Variants in AZIN2 observed in about 807,000 individuals in gnomAD.
AZIN2 encodes antizyme inhibitor 2.
A neutral mutation model predicts 47.8 loss-of-function variants in AZIN2; 28 were observed. The ratio of observed to expected loss-of-function variants is 0.59; its 90% CI spans 0.43 to 0.80. The LOEUF (loss-of-function observed/expected upper bound fraction) is 0.80. Ranked by LOEUF, AZIN2 falls within the 30% of genes least tolerant of loss-of-function variation. The probability of loss-of-function intolerance (pLI) is 0.00; values close to 1 mark genes in which losing one functional copy is unlikely to be tolerated. For synonymous variants in AZIN2, 221 were observed against 239.4 expected, an observed-to-expected ratio of 0.92 and a Z score of 0.71; for missense variants, 535 against 582.5, an observed-to-expected ratio of 0.92 and a Z score of 0.84.
At chr1:33,083,880 G>A (rs1247471949) in intron 4 of AZIN2, 74 bp from the exon 5 acceptor site, 6 of 1,574,676 alleles carry the variant, frequency 3.8e-6, no homozygotes, top group Non-Finnish European at 4.3e-6. Context: ...TCAGGTACTT[G>A]GAAGGATCAC....
chr1:33,092,244 G>T, intron 6 of AZIN2, 22 bp downstream of exon 6: 2 of 1,609,076 alleles, frequency 1.2e-6, no homozygotes, highest in Non-Finnish European at 1.7e-6. Flanking sequence ...ACCACTCATG[G>T]GGAGGCTGGG....
At position 33,110,326 on chromosome 1, in the gene AZIN2, A is replaced by G. The variant is rs148053537; in HGVS notation, c.1030-7576A>G. ...CTTCAGTTTAGGCTTCTCACTGATA[A>G]GGTTTCAAAGTACATGAGCTCACAG... is the stretch of plus-strand genomic sequence containing the variant. On this transcript the variant is annotated intron_variant, in intron 10 of 11. Transcript: ENST00000294517. Among the ~76,000 whole-genome samples, 277 of 152,342 alleles carry G rather than the reference A, an allele frequency of 1.8e-3. 1 individual carries two copies. Among genetic ancestry groups the G allele is most frequent in the African/African-American group, 6.4e-3 (268 of 41,584 alleles).
chr1:33,129,340 C>T, the AZIN2 span, among the ~76,000 whole-genome samples: 2 of 152,132 alleles, frequency 1.3e-5, no homozygotes, highest in Non-Finnish European at 2.9e-5. This position sits in a 1 kb window ranked among gnomAD's most constrained non-coding sequence, Gnocchi z 4.1. Flanking sequence ...GACAGAGGAC[C>T]GGCCTTACAA....
At chr1:33,103,408 G>A (rs750961185) in intron 10 of AZIN2, among the ~76,000 whole-genome samples, 34 of 151,794 alleles carry the variant, frequency 2.2e-4, no homozygotes, top group Non-Finnish European at 2.9e-4. Context: ...CTTTGCATTC[G>A]CTCGCCCAGA....
intron 10 of AZIN2, among the ~76,000 whole-genome samples, chr1:33,102,751 A>C (rs559928907): frequency 1.3e-5 from 2 of 151,890 alleles, no homozygotes; most frequent in East Asian, 1.9e-4. Context: ...CCAAATTTCT[A>C]TCTCTATCCT....
chr1:33,098,296 C>T, intron 10 of AZIN2, 117 bp downstream of exon 10: 2 of 729,940 alleles, frequency 2.7e-6, no homozygotes, highest in Non-Finnish European at 4.4e-6. Context: ...TAATAGACAA[C>T]AAGGATGACG....
chr1:33,094,447 C>A, intron 7 of AZIN2, 101 bp from the exon 8 acceptor site: 1 of 1,255,726 alleles, frequency 8.0e-7, no homozygotes, highest in Non-Finnish European at 1.1e-6. Context: ...GTAAAATGGG[C>A]ACAGTGTCTC....
the AZIN2 span, among the ~76,000 whole-genome samples, chr1:33,139,909 C>T: frequency 9.9e-5 from 15 of 152,282 alleles, no homozygotes; most frequent in East Asian, 2.5e-3. Context: ...TGCTGCTTGT[C>T]AGGGTTTCTA....
chr1:33,092,068 C>T lies in AZIN2; in HGVS notation c.298C>T (p.Gln100Ter). The T allele has an allele frequency of 3.7e-6, 6 of 1,614,010 alleles. No homozygotes were observed. Among genetic ancestry groups the T allele is most frequent in the Non-Finnish European group, 5.1e-6 (6 of 1,179,928 alleles). Reference protein sequence around the residue: ...CANKAEMELVQHIGIPASKII... With the variant: ...CANKAEMELV ...CCCATAGGCAGAGATGGAGTTGGTC[C>T]AGCATATTGGAATCCCTGCCAGTAA... The change falls in exon 6 of 12, where the codon CAG (glutamine) becomes TAG (stop). Residue 100 changes from glutamine to a stop codon, truncating the protein, a stop_gained. Coordinates refer to ENST00000294517, the MANE Select transcript of AZIN2 (RefSeq NM_052998.4). LOFTEE classifies it high-confidence loss of function.
intron 5 of AZIN2, among the ~76,000 whole-genome samples, chr1:33,088,353 C>T (rs1304720120): frequency 6.6e-6 from 1 of 152,190 alleles, no homozygotes; most frequent in East Asian, 1.9e-4. Flanking sequence ...CCAGTCCCAC[C>T]TCCAGAACAC....
intron 10 of AZIN2, among the ~76,000 whole-genome samples, chr1:33,106,001 T>C (rs1386949496): frequency 2.6e-5 from 4 of 152,190 alleles, no homozygotes; most frequent in Admixed American, 1.3e-4. Flanking sequence ...TGGAATGTAT[T>C]GCAATAGCAC....
chr1:33,092,223 G>A lies in AZIN2; in HGVS notation c.452+1G>A, dbSNP rs1228673901. 1 of 1,613,448 alleles carries A rather than the reference G, an allele frequency of 6.2e-7. No individual in the cohort carries two copies. Among genetic ancestry groups the A allele is most frequent in the Non-Finnish European group, 8.5e-7 (1 of 1,179,680 alleles). ...TGGTAAAGAGCCACCCCAGTGCCAA[G>A]TAAGCTGAGAACCACTCATGGGGAG... On this transcript the variant is annotated splice_donor_variant, in intron 6 of 11. Transcript: ENST00000294517. LOFTEE classifies it high-confidence loss of function.
At position 33,120,138 on chromosome 1, in the gene AZIN2, A is replaced by C; in HGVS notation, c.1339A>C (p.Thr447Pro). The C allele has an allele frequency of 6.2e-7, 1 of 1,613,730 alleles. No homozygotes were observed. Among genetic ancestry groups the C allele is most frequent in the Non-Finnish European group, 8.5e-7 (1 of 1,179,734 alleles). ...PLSCGWEITD[T>P]LCVGPVFTPA... ...GTCCTGCGGCTGGGAGATCACAGAC[A>C]CCCTGTGCGTGGGCCCTGTCTTCAC... Residue 447 changes from threonine to proline, a missense_variant, in exon 12 of 12, where the codon ACC becomes CCC. Around this residue, in one of 3 missense-constraint regions of AZIN2, gnomAD observed 122 missense variants for 135.8 expected, o/e 0.90. Transcript: ENST00000294517.
At chr1:33,137,200 T>A in the AZIN2 span, among the ~76,000 whole-genome samples, 1 of 152,158 alleles carries the variant, frequency 6.6e-6, no homozygotes, top group East Asian at 1.9e-4. Flanking sequence ...CACAGGGTAG[T>A]ATGGGGACTG....
chr1:33,155,103 G>T, the AZIN2 span, among the ~76,000 whole-genome samples: 1 of 142,104 alleles, frequency 7.0e-6, no homozygotes, highest in East Asian at 2.4e-4. Flanking sequence ...AAAAGGTCTC[G>T]CTCTGTCGCC....
rs185226135 is a variant in AZIN2 at position 33,083,906 on chromosome 1, G to C, written c.106-48G>C. 5.2e-5 allele frequency: 83 copies of C among 1,607,626 alleles called. No individual in the cohort carries two copies. In the Admixed American group the frequency reaches 5.2e-4, roughly 10 times the overall value. ...GAAGGATCACGGATGGCATGCACAG[G>C]GTGCGAGCTGGATGGGGTCTCACAT... On this transcript the variant is annotated intron_variant, in intron 4 of 11. Coordinates refer to ENST00000294517, the MANE Select transcript of AZIN2 (RefSeq NM_052998.4).
At chr1:33,159,721 G>T in the AZIN2 span, 13 of 1,611,256 alleles carry the variant, frequency 8.1e-6, no homozygotes, top group African/African-American at 2.7e-5. This position sits in a 1 kb window ranked among gnomAD's most constrained non-coding sequence, Gnocchi z 4.2. Flanking sequence ...AGCCAGGAAG[G>T]TGTGCCGGTC....
At chr1:33,097,246 C>G (rs1434433280) in intron 9 of AZIN2, among the ~76,000 whole-genome samples, 2 of 152,184 alleles carry the variant, frequency 1.3e-5, no homozygotes, top group African/African-American at 4.8e-5. Context: ...GGCTCCTACT[C>G]ACCCTACTGC....
At chr1:33,165,313 T>G in the AZIN2 span, 1 of 616,304 alleles carries the variant, frequency 1.6e-6, no homozygotes, top group Non-Finnish European at 2.8e-6. This position sits in a 1 kb window ranked among gnomAD's most constrained non-coding sequence, Gnocchi z 4.0. Flanking sequence ...TGCCCTACCC[T>G]CTTCCCCACC....
Sources: gnomAD v4.1 joint callset for allele counts (sites outside exome capture counted in the v4.1 genomes callset) on GRCh38, gnomAD v4.1.1 for gene constraint, gnomAD v4.1.1 regional missense constraint, Gnocchi (gnomAD v3.1) non-coding constraint, MANE v1.5 for transcripts, NCBI Gene and HGNC (gene_info 2026-07-23, HGNC 2026-07-21) for gene names.